Variants in ATP2A1 observed in about 807,000 individuals in gnomAD.
The protein encoded by ATP2A1 is sarcoplasmic/endoplasmic reticulum calcium ATPase 1.
Under a neutral mutation model 109.5 loss-of-function variants are expected in ATP2A1, and 83 were observed. That is an observed-to-expected ratio of 0.76 (90% CI 0.63 to 0.91). ATP2A1 has a LOEUF of 0.91. ATP2A1 is among the 40% of genes least tolerant of loss of function. ATP2A1 has a pLI of 0.00. For missense variants in ATP2A1, 1,101 were observed against 1,341.0 expected (o/e 0.82, Z 2.80); for synonymous variants, 505 against 537.6 (o/e 0.94, Z 0.84).
rs952168452 is a variant in ATP2A1 at position 28,879,583 on chromosome 16, C to T, written c.219C>T (p.Phe73=). Residue 73 remains phenylalanine, a splice_region_variant and synonymous_variant, in exon 3 of 23, where the codon TTC becomes TTT. Transcript: ENST00000395503. ...TCCTCCTGGCCGCATGCATTTCCTT[C>T]GTAAGTGTGGGAGGGTCTCTGGGGG... ...RILLLAACIS[F]VLAWFEEGEE... The T allele has an allele frequency of 6.2e-7, 1 of 1,614,092 alleles. No individual in the cohort carries two copies. The highest frequency in any genetic ancestry group is 1.3e-5 in the African/African-American group (1 of 75,044).
chr16:28,904,021 G>GC (rs1215802412), intron 22 of ATP2A1, among the ~76,000 whole-genome samples, 159 bp from the exon 23 acceptor site: 5 of 152,020 alleles, frequency 3.3e-5, no homozygotes, highest in Non-Finnish European at 7.4e-5. Context: ...GCTGCAGTGG[G>GC]GGGGGGCGGG....
chr16:28,890,336 C>A (rs1777902586), intron 9 of ATP2A1, among the ~76,000 whole-genome samples: 1 of 148,778 alleles, frequency 6.7e-6, no homozygotes, highest in Non-Finnish European at 1.5e-5. Context: ...TGTGGTGGTG[C>A]ACACTTGTAG....
At chr16:28,879,163 C>A (rs1197157316) in intron 2 of ATP2A1, 47 bp downstream of exon 2, 2 of 1,603,938 alleles carry the variant, frequency 1.2e-6, no homozygotes, top group Non-Finnish European at 1.7e-6. Flanking sequence ...CACCCCCCAC[C>A]CCGCCCTGTC....
intron 4 of ATP2A1, chr16:28,881,468 T>C (rs1188645875): frequency 3.7e-6 from 1 of 271,256 alleles, no homozygotes; most frequent in Non-Finnish European, 7.2e-6. Context: ...GCTACCTTGC[T>C]TTGGTTTTAA....
At position 28,903,442 on chromosome 16, in the gene ATP2A1, T is replaced by C. The variant is rs1964150459; in HGVS notation, c.2980+2T>C. On this transcript the variant is annotated splice_donor_variant, in intron 21 of 22. Transcript: ENST00000395503. LOFTEE classifies it high-confidence loss of function. The surrounding 1 kb of genome is among the most constrained non-coding windows in gnomAD (Gnocchi z 5.6). ...TCGTTGCTCGGAACTACCTAGAGGG[T>C]AAGGAGTGCCCTCTCTGTCCCAAGC... is the stretch of plus-strand genomic sequence containing the variant. 1 of 1,608,536 alleles carries C rather than the reference T, an allele frequency of 6.2e-7. No individual in the cohort carries two copies.
chr16:28,904,389 C>A lies in ATP2A1; in HGVS notation c.*247C>A. ...AACCTTGTAAATTCCCCTTCCCAAC[C>A]CCGAGGGGCTTGCAGGGACAAGGCG... is the stretch of plus-strand genomic sequence containing the variant. On this transcript the variant is annotated 3_prime_UTR_variant, in exon 23 of 23. Transcript: ENST00000395503. 6.5e-7 allele frequency: 1 copy of A among 1,536,522 alleles called. No individual in the cohort carries two copies. The highest frequency in any genetic ancestry group is 8.7e-7 in the Non-Finnish European group (1 of 1,146,896).
chr16:28,894,664 G>A, intron 11 of ATP2A1, 57 bp downstream of exon 11: 1 of 1,602,010 alleles, frequency 6.2e-7, no homozygotes, highest in Non-Finnish European at 8.5e-7. Flanking sequence ...CCGAAGGCCA[G>A]GAGGAAAGGG....
rs1216239947 is a variant in ATP2A1, at chr16:28,897,984, CCT to C, written c.1420-15_1420-14del. The C allele has an allele frequency of 6.2e-7, 1 of 1,614,002 alleles. No homozygotes were observed. Among genetic ancestry groups the C allele is most frequent in the African/African-American group, 1.3e-5 (1 of 74,920 alleles). ...ATTTTAAGAGGACTGGTCTCCCCTC[CCT>C]GTCTCCTCTCCAGGTGATCCGCCAG... is the stretch of plus-strand genomic sequence containing the variant. On this transcript the variant is annotated splice_polypyrimidine_tract_variant and intron_variant, in intron 12 of 22. Coordinates refer to ENST00000395503, the MANE Select transcript of ATP2A1 (RefSeq NM_004320.6).
chr16:28,900,663 A>G lies in ATP2A1; in HGVS notation c.1847A>G (p.Asp616Gly). Residue 616 changes from aspartate (D) to glycine (G), a missense_variant, in exon 15 of 23, where the codon GAC becomes GGC. Asp to Gly is a moderately conservative substitution (Grantham distance 94, BLOSUM62 -1). Transcript: ENST00000395503. The stretch of plus-strand genomic sequence containing the variant: ...ACGGGCTCCATCCAGCTGTGCCGTG[A>G]CGCCGGGATCCGGGTGATCATGATC... ...EVTGSIQLCR[D>G]AGIRVIMITG... is the part of the protein sequence containing the mutation. The G allele has an allele frequency of 1.2e-6, 2 of 1,609,870 alleles. No individual in the cohort carries two copies. The highest frequency in any genetic ancestry group is 1.7e-6 in the Non-Finnish European group (2 of 1,176,702).
intron 1 of ATP2A1, 59 bp downstream of exon 1, chr16:28,878,848 A>C: frequency 6.5e-7 from 1 of 1,532,326 alleles, no homozygotes; most frequent in Non-Finnish European, 9.0e-7. Context: ...CCCAAAACAC[A>C]CGCACACGCA....
rs763292322 is a variant in ATP2A1, at chr16:28,879,491, C to T, written c.137-10C>T. 5.0e-6 allele frequency: 8 copies of T among 1,613,678 alleles called. No homozygotes were observed. In the Admixed American group the frequency reaches 5.0e-5, roughly 10 times the overall value. On this transcript the variant is annotated splice_polypyrimidine_tract_variant and intron_variant, in intron 2 of 22. Transcript: ENST00000395503. ...TTAACCCGGGGCCCTCCCCTTGCCTCCTCCCCCAGGGAAGACCCTGTGGGA... is the reference window on the plus strand; with the variant it reads ...TTAACCCGGGGCCCTCCCCTTGCCTTCTCCCCCAGGGAAGACCCTGTGGGA...
chr16:28,882,926 C>T (rs1218016023), intron 5 of ATP2A1, among the ~76,000 whole-genome samples: 1 of 152,218 alleles, frequency 6.6e-6, no homozygotes, highest in Non-Finnish European at 1.5e-5. Flanking sequence ...CTTCCCCCTC[C>T]TTCCACCCAC....
At chr16:28,900,476 C>CCCCCCAT in intron 14 of ATP2A1, 105 bp from the exon 15 acceptor site, 1 of 977,762 alleles carries the variant, frequency 1.0e-6, no homozygotes, top group Non-Finnish European at 1.4e-6. Context: ...CACCCCTCCC[C>CCCCCCAT]ACCACTTCCT....
chr16:28,894,973 G>C lies in ATP2A1; in HGVS notation c.1419+20G>C, dbSNP rs577700988. The C allele has an allele frequency of 1.2e-6, 2 of 1,609,520 alleles. No individual in the cohort carries two copies. The highest frequency in any genetic ancestry group is 2.7e-5 in the African/African-American group (2 of 74,924). ...AACTCGGTGAGCCTGCGGAGCCCCT[G>C]CCACAGGGCCGTCTCCACTCTATGC... is the stretch of plus-strand genomic sequence containing the variant. On this transcript the variant is annotated intron_variant, in intron 12 of 22. Coordinates refer to ENST00000395503, the MANE Select transcript of ATP2A1 (RefSeq NM_004320.6).
intron 9 of ATP2A1, among the ~76,000 whole-genome samples, chr16:28,893,664 T>G (rs1287821931): frequency 5.3e-5 from 8 of 150,510 alleles, no homozygotes; most frequent in Non-Finnish European, 1.0e-4. Flanking sequence ...TGTTTTTTTT[T>G]TTTTTTTTGA....
At chr16:28,887,891 C>T (rs561617561) in intron 8 of ATP2A1, among the ~76,000 whole-genome samples, 169 bp downstream of exon 8, 7 of 152,356 alleles carry the variant, frequency 4.6e-5, no homozygotes, top group Admixed American at 1.3e-4. Context: ...AGCTCCGCCT[C>T]GCGGGTTCAC....
chr16:28,898,576 C>T lies in ATP2A1; in HGVS notation c.1764+125C>T, dbSNP rs1244207450. ...CAGTCAAGTTGATGGCTCCTTAGTA[C>T]AGGCCATGGAATCACAGGACAGTAG... On this transcript the variant is annotated intron_variant, in intron 14 of 22. Coordinates refer to ENST00000395503, the MANE Select transcript of ATP2A1 (RefSeq NM_004320.6). This position sits in a 1 kb window ranked among gnomAD's most constrained non-coding sequence, Gnocchi z 4.0. 2.0e-5 allele frequency: 23 copies of T among 1,134,338 alleles called. No individual in the cohort carries two copies. Among genetic ancestry groups the T allele is most frequent in the Non-Finnish European group, 2.7e-5 (21 of 784,462 alleles). 70.3% of individuals were successfully genotyped at this position (1,134,338 alleles called of 1,614,324 possible).
rs190863438 is a variant in ATP2A1 at position 28,879,472 on chromosome 16, C to T, written c.137-29C>T. 3,827 of 1,605,792 alleles carry T rather than the reference C, an allele frequency of 2.4e-3. 10 individuals are homozygous for T. Among genetic ancestry groups the T allele is most frequent in the Non-Finnish European group, 3.0e-3 (3,496 of 1,172,452 alleles). ...GACCTTCACCCACTAGACCTTAACC[C>T]GGGGCCCTCCCCTTGCCTCCTCCCC... On this transcript the variant is annotated intron_variant, in intron 2 of 22. Coordinates refer to ENST00000395503, the MANE Select transcript of ATP2A1 (RefSeq NM_004320.6).
At chr16:28,890,414 C>T (rs1322650861) in intron 9 of ATP2A1, among the ~76,000 whole-genome samples, 2 of 151,560 alleles carry the variant, frequency 1.3e-5, no homozygotes, top group African/African-American at 4.9e-5. Flanking sequence ...GCCAGGAAGT[C>T]AAAGCTACAG....
Sources: allele counts gnomAD v4.1 joint callset (sites outside exome capture counted in the v4.1 genomes callset), GRCh38; gene constraint gnomAD v4.1.1; non-coding constraint Gnocchi (gnomAD v3.1); transcripts MANE v1.5; gene names NCBI Gene and HGNC (gene_info 2026-07-23, HGNC 2026-07-21).